Variants in ITGA9 observed in about 807,000 individuals in gnomAD.
The protein encoded by ITGA9 is integrin alpha-9.
Under a neutral mutation model 127.8 loss-of-function variants are expected in ITGA9, and 56 were observed. The ratio of observed to expected loss-of-function variants is 0.44; its 90% CI spans 0.35 to 0.55. The LOEUF (loss-of-function observed/expected upper bound fraction) is 0.55, where lower values mean the gene tolerates loss of function less well. Ranked by LOEUF, ITGA9 falls within the 20% of genes least tolerant of loss-of-function variation. The probability of loss-of-function intolerance (pLI) is 0.00; values close to 1 mark genes in which losing one functional copy is unlikely to be tolerated. For missense variants in ITGA9, 1,196 were observed against 1,347.1 expected (o/e 0.89, Z 1.76); for synonymous variants, 508 against 514.5 (o/e 0.99, Z 0.17).
At chr3:37,753,494 A>G (rs1157390407) in intron 23 of ITGA9, among the ~76,000 whole-genome samples, 1 of 152,188 alleles carries the variant, frequency 6.6e-6, no homozygotes, top group Non-Finnish European at 1.5e-5. Flanking sequence ...AACATTCCAG[A>G]TAGAGGAACA....
intron 15 of ITGA9, among the ~76,000 whole-genome samples, chr3:37,585,796 G>A (rs2364183): frequency 1.3e-5 from 2 of 151,766 alleles, no homozygotes; most frequent in South Asian, 4.2e-4. Context: ...GAAGAAGGGG[G>A]CCCCCCCAAT....
intron 25 of ITGA9, among the ~76,000 whole-genome samples, chr3:37,782,198 G>T (rs1052455075): frequency 7.2e-5 from 11 of 152,216 alleles, no homozygotes; most frequent in Non-Finnish European, 1.3e-4. Flanking sequence ...TGGTGCTGCA[G>T]ACAGTTTTAT....
At chr3:37,771,573 A>G (rs1696843860) in intron 23 of ITGA9, among the ~76,000 whole-genome samples, 1 of 151,720 alleles carries the variant, frequency 6.6e-6, no homozygotes, top group Admixed American at 6.6e-5. Context: ...GAGCGTCTGT[A>G]CCACAGAACT....
intron 1 of ITGA9, among the ~76,000 whole-genome samples, chr3:37,469,412 G>T (rs1403835813): frequency 1.3e-5 from 2 of 152,172 alleles, no homozygotes; most frequent in African/African-American, 2.4e-5. Context: ...AGGAGGAGGA[G>T]AGGGAGACAG....
At chr3:37,705,053 A>G (rs776129776) in intron 18 of ITGA9, among the ~76,000 whole-genome samples, 22 of 152,344 alleles carry the variant, frequency 1.4e-4, no homozygotes, top group South Asian at 1.2e-3. Flanking sequence ...TCTTAGAAGT[A>G]CCAAACTTAC....
intron 5 of ITGA9, among the ~76,000 whole-genome samples, chr3:37,502,942 G>A (rs909225652): frequency 2.6e-5 from 4 of 152,194 alleles, no homozygotes; most frequent in Non-Finnish European, 5.9e-5. Flanking sequence ...CTGGCCTGTC[G>A]TGAATTCTGT....
rs574380340 is a variant in ITGA9, at chr3:37,568,295, G to T, written c.1689+25710G>T. Reference sequence around the variant, plus strand: ...GGGCACCAAGTCCCTAGGCTGCACAGAGCAGGGGGACCCCAGGCCTGGCCC... The same window carrying T: ...GGGCACCAAGTCCCTAGGCTGCACATAGCAGGGGGACCCCAGGCCTGGCCC... On this transcript the variant is annotated intron_variant, in intron 15 of 27. Transcript: ENST00000264741. Among the ~76,000 whole-genome samples the T allele has an allele frequency of 3.2e-3, 483 of 152,356 alleles. 4 individuals carry two copies. The highest frequency in any genetic ancestry group is 5.5e-3 in the Non-Finnish European group (375 of 68,034).
intron 18 of ITGA9, among the ~76,000 whole-genome samples, chr3:37,729,794 C>T (rs964424378): frequency 2.7e-5 from 4 of 150,916 alleles, no homozygotes; most frequent in Admixed American, 2.6e-4. Context: ...ACCTCCACCT[C>T]CCAGGTTCAA....
At chr3:37,554,260 G>A (rs1699408153) in intron 15 of ITGA9, among the ~76,000 whole-genome samples, 1 of 152,128 alleles carries the variant, frequency 6.6e-6, no homozygotes. Context: ...CTGACGAGGT[G>A]TGATTTGAGC....
At chr3:37,456,531 G>A (rs574320325) in intron 1 of ITGA9, among the ~76,000 whole-genome samples, 9 of 152,206 alleles carry the variant, frequency 5.9e-5, no homozygotes, top group African/African-American at 2.2e-4. Context: ...ACCCCACCCC[G>A]TCCCCTCCTC....
At chr3:37,682,986 G>A (rs75938352) in intron 17 of ITGA9, among the ~76,000 whole-genome samples, 1,560 of 152,200 alleles carry the variant, frequency 0.01, 8 homozygotes, top group Middle Eastern at 0.037. Flanking sequence ...TAGCCAATGC[G>A]AGCCTCCTTT....
intron 1 of ITGA9, among the ~76,000 whole-genome samples, chr3:37,465,841 G>A (rs1424975744): frequency 6.6e-6 from 1 of 152,128 alleles, no homozygotes; most frequent in Admixed American, 6.5e-5. Flanking sequence ...GATTACATAT[G>A]TGAGTAGCTG....
chr3:37,658,907 C>A (rs891105968), intron 17 of ITGA9, among the ~76,000 whole-genome samples: 41 of 152,230 alleles, frequency 2.7e-4, no homozygotes, highest in African/African-American at 9.9e-4. Context: ...AGAGCATTTG[C>A]TTCTCTGTAA....
In ITGA9 at chr3:37,554,331, G is replaced by A. The variant is rs945335814; in HGVS notation, c.1689+11746G>A. On this transcript the variant is annotated intron_variant, in intron 15 of 27. Transcript: ENST00000264741. ...GGTTCCTGGAGGAGGGCTCAGACCAGTGTCTGAGTGTCTGGTGTGTCTGAG... is the reference window on the plus strand; with the variant it reads ...GGTTCCTGGAGGAGGGCTCAGACCAATGTCTGAGTGTCTGGTGTGTCTGAG... Among the ~76,000 whole-genome samples the A allele has an allele frequency of 8.5e-5, 13 of 152,162 alleles. No individual in the cohort carries two copies. The East Asian group carries it at 2.5e-3, about 30-fold the overall frequency.
At chr3:37,810,830 A>T (rs949325904) in intron 27 of ITGA9, among the ~76,000 whole-genome samples, 4 of 152,240 alleles carry the variant, frequency 2.6e-5, no homozygotes, top group Non-Finnish European at 5.9e-5. Flanking sequence ...CCACCTACGC[A>T]TGCACTGTGG....
At chr3:37,633,036 T>G (rs1236996059) in intron 16 of ITGA9, among the ~76,000 whole-genome samples, 1 of 152,120 alleles carries the variant, frequency 6.6e-6, no homozygotes, top group African/African-American at 2.4e-5. Flanking sequence ...TACAAGAAAC[T>G]CTGGAACTAA....
At chr3:37,619,800 G>A (rs2125630682) in intron 15 of ITGA9, among the ~76,000 whole-genome samples, 1 of 152,302 alleles carries the variant, frequency 6.6e-6, no homozygotes, top group Non-Finnish European at 1.5e-5. Context: ...TCCTGCAGCT[G>A]TGGAGCCCAG....
At chr3:37,463,188 C>T (rs1056451519) in intron 1 of ITGA9, among the ~76,000 whole-genome samples, 9 of 152,196 alleles carry the variant, frequency 5.9e-5, no homozygotes, top group South Asian at 2.1e-4. Flanking sequence ...GGAATTACCA[C>T]GGTCCAGATT....
At chr3:37,453,353 C>G (rs968454044) in intron 1 of ITGA9, among the ~76,000 whole-genome samples, 9 of 152,146 alleles carry the variant, frequency 5.9e-5, no homozygotes, top group Non-Finnish European at 1.0e-4. Flanking sequence ...TCCAGTTGTC[C>G]CCTGAGTCCG....
Sources: gnomAD v4.1 joint callset for allele counts (sites outside exome capture counted in the v4.1 genomes callset) on GRCh38, gnomAD v4.1.1 for gene constraint, MANE v1.5 for transcripts, NCBI Gene and HGNC (gene_info 2026-07-23, HGNC 2026-07-21) for gene names.